The following RPS3 variants were observed in gnomAD, a reference collection of about 807,000 sequenced individuals.
RPS3 encodes the protein ribosomal protein S3, also known as small ribosomal subunit protein uS3.
RPS3 carries 2 observed loss-of-function variants against 25.8 expected under a neutral mutation model. The observed-to-expected ratio is 0.08, with a 90% CI of 0.03 to 0.24. The LOEUF (loss-of-function observed/expected upper bound fraction) is 0.24, where lower values mean the gene tolerates loss of function less well. Ranked by LOEUF, RPS3 falls within the 10% of genes least tolerant of loss-of-function variation. The pLI, the probability that RPS3 is intolerant of heterozygous loss-of-function variation, is 1.00. For missense variants in RPS3, 107 were observed against 307.1 expected (o/e 0.35, Z 4.87); for synonymous variants, 114 against 114.2 (o/e 1.00, Z 0.01).
chr11:75,410,816 TCCA>T (rs1192991211), downstream of RPS3, among the ~76,000 whole-genome samples: 1 of 151,888 alleles, frequency 6.6e-6, no homozygotes, highest in Non-Finnish European at 1.5e-5. Flanking sequence ...AAACCCCGTC[TCCA>T]CCAAAAAAAA....
chr11:75,406,030 A>G lies in RPS3; in HGVS notation c.*420A>G, dbSNP rs7123178. ...ATGCTGTGCTCTAAGTGTTCTTTAC[A>G]TATGTACTCGTTAATCAACCTCTCT... is the stretch of plus-strand genomic sequence containing the variant. On this transcript the variant is annotated 3_prime_UTR_variant, in exon 7 of 7. Transcript: ENST00000531188. 2,665 of 159,094 alleles carry G rather than the reference A, an allele frequency of 0.017. 80 individuals are homozygous for G. The highest frequency in any genetic ancestry group is 0.06 in the African/African-American group (2,492 of 41,676). 9.9% of individuals were successfully genotyped at this position (159,094 alleles called of 1,614,324 possible). A position where few individuals can be genotyped will look rare whatever the true frequency, so the allele number is the denominator to read the frequency against.
rs966802477 is a variant in RPS3 at position 75,405,710 on chromosome 11, C to A, written c.*100C>A. 1 of 453,122 alleles carries A rather than the reference C, an allele frequency of 2.2e-6. No homozygotes were observed. 28.1% of individuals were successfully genotyped at this position (453,122 alleles called of 1,614,324 possible). A position where few individuals can be genotyped will look rare whatever the true frequency, so the allele number is the denominator to read the frequency against. On this transcript the variant is annotated 3_prime_UTR_variant, in exon 7 of 7. Coordinates refer to ENST00000531188, the MANE Select transcript of RPS3 (RefSeq NM_001005.5). Reference sequence around the variant, plus strand: ...AGACACAAGGTCTGACTAGACTGTTCAGTATTCAGACTGAGGGGCATGTTG... The same window carrying A: ...AGACACAAGGTCTGACTAGACTGTTAAGTATTCAGACTGAGGGGCATGTTG...
intron 6 of RPS3, among the ~76,000 whole-genome samples, chr11:75,413,406 A>G (rs1469165111): frequency 1.3e-5 from 2 of 151,958 alleles, no homozygotes; most frequent in Admixed American, 1.3e-4. Flanking sequence ...ACAGGCATCC[A>G]CCACCACGCC....
At chr11:75,403,062 A>T (rs1948235043) in intron 4 of RPS3, 1 of 152,220 alleles carries the variant, frequency 6.6e-6, no homozygotes, top group Non-Finnish European at 1.5e-5. Flanking sequence ...GTTTGACTGT[A>T]TGTAAAGGCA....
At chr11:75,417,554 G>A (rs1032810714) in intron 6 of RPS3, among the ~76,000 whole-genome samples, 13 of 152,184 alleles carry the variant, frequency 8.5e-5, no homozygotes, top group Non-Finnish European at 1.2e-4. Flanking sequence ...CCGAGATCGC[G>A]CCACTGCATT....
downstream of RPS3, among the ~76,000 whole-genome samples, chr11:75,410,169 AC>A (rs554488702): frequency 3.0e-5 from 4 of 134,312 alleles, no homozygotes; most frequent in East Asian, 2.2e-4. Context: ...CGGGGGGCTG[AC>A]CCCCCCACCT....
downstream of RPS3, among the ~76,000 whole-genome samples, chr11:75,407,634 AT>A (rs1343016941): frequency 2.0e-5 from 3 of 150,502 alleles, no homozygotes; most frequent in East Asian, 3.9e-4. Context: ...AAGTCTGGCT[AT>A]TTTTTTTTGT....
At chr11:75,403,934 A>T in intron 4 of RPS3, 86 bp from the exon 5 acceptor site, 1 of 1,328,260 alleles carries the variant, frequency 7.5e-7, no homozygotes, top group Non-Finnish European at 1.0e-6. Context: ...TTAAAGGAAC[A>T]TTGAAAACCA....
chr11:75,404,369 G>T lies in RPS3; in HGVS notation c.538+162G>T. 2 of 811,186 alleles carry T rather than the reference G, an allele frequency of 2.5e-6. No homozygotes were observed. The highest frequency in any genetic ancestry group is 1.4e-5 in the South Asian group (1 of 70,888). The allele number at this position is 811,186 out of a possible 1,614,324, so 50.2% of individuals were successfully genotyped here. A position where few individuals can be genotyped will look rare whatever the true frequency, so the allele number is the denominator to read the frequency against. Reference sequence around the variant, plus strand: ...TGATCTGTAAGAATCGATTTGCTGAGATCTGTCAGATCCAAGAGTTGGTTT... The same window carrying T: ...TGATCTGTAAGAATCGATTTGCTGATATCTGTCAGATCCAAGAGTTGGTTT... On this transcript the variant is annotated intron_variant, in intron 5 of 6. Transcript: ENST00000531188. This position sits in a 1 kb window ranked among gnomAD's most constrained non-coding sequence, Gnocchi z 4.6.
At chr11:75,414,526 G>T (rs1473844768) in intron 6 of RPS3, among the ~76,000 whole-genome samples, 1 of 152,134 alleles carries the variant, frequency 6.6e-6, no homozygotes, top group African/African-American at 2.4e-5. Flanking sequence ...CAGGAGAATG[G>T]CATGAAGCCA....
At chr11:75,400,268 T>G (rs1948187406) in intron 1 of RPS3, 2 of 436,296 alleles carry the variant, frequency 4.6e-6, no homozygotes, top group Admixed American at 2.5e-5. Context: ...TGAGAGAGCT[T>G]ATATGTTAAG....
chr11:75,411,581 G>T (rs1274475018), downstream of RPS3, among the ~76,000 whole-genome samples: 1 of 151,458 alleles, frequency 6.6e-6, no homozygotes, highest in African/African-American at 2.4e-5. Flanking sequence ...TAGTAGAGAC[G>T]GGGTTTCACC....
chr11:75,416,563 A>C (rs940580717), intron 6 of RPS3, among the ~76,000 whole-genome samples: 1 of 148,908 alleles, frequency 6.7e-6, no homozygotes, highest in Non-Finnish European at 1.5e-5. Context: ...GGTTCAAGTG[A>C]TTCTCATGCC....
At chr11:75,413,600 T>C (rs961163245) in intron 6 of RPS3, among the ~76,000 whole-genome samples, 3 of 152,156 alleles carry the variant, frequency 2.0e-5, no homozygotes, top group African/African-American at 7.2e-5. Context: ...TATACACCAC[T>C]GAATGTGTGT....
intron 4 of RPS3, chr11:75,402,883 A>G (rs560975865): frequency 5.4e-4 from 84 of 154,930 alleles, no homozygotes; most frequent in Non-Finnish European, 9.6e-4. Flanking sequence ...TTTAGTAGCA[A>G]TCATTCAAAT....
intron 6 of RPS3, among the ~76,000 whole-genome samples, chr11:75,416,454 A>AT (rs1948399434): frequency 3.1e-5 from 3 of 97,902 alleles, no homozygotes; most frequent in Non-Finnish European, 6.5e-5. Flanking sequence ...CATCTTGATT[A>AT]TTTCTATTTT....
At chr11:75,401,327 GA>G (rs1948206772) in intron 2 of RPS3, among the ~76,000 whole-genome samples, 1 of 152,076 alleles carries the variant, frequency 6.6e-6, no homozygotes, top group Admixed American at 6.5e-5. Flanking sequence ...GCAACATGGG[GA>G]AACCCCCGCT....
At chr11:75,399,684 G>T in intron 1 of RPS3, 107 bp downstream of exon 1, 2 of 995,784 alleles carry the variant, frequency 2.0e-6, no homozygotes, top group South Asian at 1.4e-5. Context: ...CCTGGAAGCG[G>T]CCTAGGCTTC....
At chr11:75,421,094 C>T (rs1315680646) in intron 6 of RPS3, among the ~76,000 whole-genome samples, 1 of 152,138 alleles carries the variant, frequency 6.6e-6, no homozygotes. Flanking sequence ...ATAGGGTGGG[C>T]GCAGGCAGGC....
Sources: allele counts gnomAD v4.1 joint callset (sites outside exome capture counted in the v4.1 genomes callset), GRCh38; gene constraint gnomAD v4.1.1; non-coding constraint Gnocchi (gnomAD v3.1); transcripts MANE v1.5; gene names NCBI Gene and HGNC (gene_info 2026-07-23, HGNC 2026-07-21).